DSC3: variants seen among roughly 807,000 people sequenced by gnomAD.
DSC3 encodes the protein desmocollin 3, also known as desmocollin-3.
Under a neutral mutation model 89.5 loss-of-function variants are expected in DSC3, and 97 were observed. The observed-to-expected ratio is 1.08, with a 90% CI of 0.92 to 1.28. DSC3 has a LOEUF of 1.28. Among genes scored for constraint, DSC3 ranks in the 50% most tolerant of loss-of-function variants. The pLI is 0.00. For missense variants in DSC3, 1,199 were observed against 1,085.3 expected, an observed-to-expected ratio of 1.10 and a Z score of -1.47; for synonymous variants, 436 against 384.1, an observed-to-expected ratio of 1.14 and a Z score of -1.58.
chr18:31,012,574 C>T (rs1417041706), intron 9 of DSC3, among the ~76,000 whole-genome samples: 1 of 152,178 alleles, frequency 6.6e-6, no homozygotes, highest in Non-Finnish European at 1.5e-5. Context: ...TGTTATTTCT[C>T]TTTGATTCAG....
chr18:30,997,939 C>G (rs977559957), intron 14 of DSC3, among the ~76,000 whole-genome samples: 1 of 152,060 alleles, frequency 6.6e-6, no homozygotes, highest in African/African-American at 2.4e-5. Flanking sequence ...TTGAGAACAG[C>G]TACCACATAA....
chr18:31,013,588 G>A (rs1182815347), intron 9 of DSC3, among the ~76,000 whole-genome samples: 1 of 152,058 alleles, frequency 6.6e-6, no homozygotes, highest in East Asian at 1.9e-4. Context: ...ATAGTTAATA[G>A]ATAAGAAGAG....
rs751051253 is a variant in DSC3 at position 30,994,250 on chromosome 18, T to C, written c.2616A>G (p.Glu872=). The C allele has an allele frequency of 1.2e-5, 20 of 1,613,996 alleles. No homozygotes were observed. In the Admixed American group the frequency reaches 1.3e-4, roughly 11 times the overall value. ...TATTTAAAAAGTCAAGGCCATCTTC[T>C]TCCTGCTTTTCACTGCAGCAGCCCA... ...GSVGCCSEKQ[E]EDGLDFLNNL... The change falls in exon 16 of 16, where the codon GAA becomes GAG. Residue 872 remains glutamate, a synonymous_variant. Coordinates refer to ENST00000360428, the MANE Select transcript of DSC3 (RefSeq NM_001941.5).
chr18:31,023,332 A>G (rs1386070351), intron 6 of DSC3, among the ~76,000 whole-genome samples: 1 of 152,192 alleles, frequency 6.6e-6, no homozygotes, highest in Non-Finnish European at 1.5e-5. Flanking sequence ...ATGAGTTTCC[A>G]CAGTGAGTTA....
At position 30,989,923 on chromosome 18, in the gene DSC3, C is replaced by T. The variant is rs75499406; in HGVS notation, c.*4252G>A. On this transcript the variant is annotated 3_prime_UTR_variant, in exon 16 of 16. Coordinates refer to ENST00000360428, the MANE Select transcript of DSC3 (RefSeq NM_001941.5). Reference sequence around the variant, plus strand: ...CACATCCTGCACGTGTATCCTGGAACTTAAAATAAAATAAGTGTTATCAAT... The same window carrying T: ...CACATCCTGCACGTGTATCCTGGAATTTAAAATAAAATAAGTGTTATCAAT... The T allele has an allele frequency of 2.0e-5, 2 of 100,506 alleles. No homozygotes were observed. The highest frequency in any genetic ancestry group is 6.1e-4 in the East Asian group (1 of 1,652). 6.2% of individuals were successfully genotyped at this position (100,506 alleles called of 1,614,324 possible).
In DSC3 at chr18:30,996,647, A is replaced by T. The variant is rs139748507; in HGVS notation, c.2493+144T>A. ...TCTCTTTTAAATTAAATAATGTAAC[A>T]AAATCAAAGAGCACGGGAAAATGAA... On this transcript the variant is annotated intron_variant, in intron 15 of 15. Coordinates refer to ENST00000360428, the MANE Select transcript of DSC3 (RefSeq NM_001941.5). The T allele has an allele frequency of 8.6e-4, 734 of 854,382 alleles. 5 individuals carry two copies. In the African/African-American group the frequency reaches 0.011, roughly 13 times the overall value. 52.9% of individuals were successfully genotyped at this position (854,382 alleles called of 1,614,324 possible).
intron 5 of DSC3, among the ~76,000 whole-genome samples, chr18:31,024,857 T>C (rs1320300617): frequency 6.6e-6 from 1 of 152,150 alleles, no homozygotes; most frequent in Non-Finnish European, 1.5e-5. Context: ...TACTACATTA[T>C]CTAAATAAAG....
chr18:31,021,489 C>T (rs1357664437), intron 7 of DSC3, among the ~76,000 whole-genome samples: 1 of 152,182 alleles, frequency 6.6e-6, no homozygotes, highest in African/African-American at 2.4e-5. Flanking sequence ...TTCCCACCAT[C>T]TCTCCCTGTT....
chr18:31,021,614 G>A (rs1351000987), intron 7 of DSC3, among the ~76,000 whole-genome samples: 1 of 152,032 alleles, frequency 6.6e-6, no homozygotes, highest in East Asian at 1.9e-4. Context: ...TTCCAATAAA[G>A]CTATTTTGTC....
In DSC3 at chr18:31,042,723, C is replaced by G. The variant is rs867607770; in HGVS notation, c.-63G>C. ...GGAGGGTGCCGAGAGCGAGACCTGC[C>G]GAGGTGCAGGGCGCGGGAGGTGCTT... On this transcript the variant is annotated 5_prime_UTR_variant, in exon 1 of 16. Coordinates refer to ENST00000360428, the MANE Select transcript of DSC3 (RefSeq NM_001941.5). 4.1e-6 allele frequency: 6 copies of G among 1,470,218 alleles called. No homozygotes were observed. The highest frequency in any genetic ancestry group is 5.5e-6 in the Non-Finnish European group (6 of 1,083,328). 91.1% of individuals were successfully genotyped at this position (1,470,218 alleles called of 1,614,324 possible).
rs992305087 is a variant in DSC3 at position 31,040,571 on chromosome 18, G to A, written c.69+2021C>T. Among the ~76,000 whole-genome samples the A allele has an allele frequency of 2.6e-5, 4 of 152,098 alleles. No homozygotes were observed. In the South Asian group the frequency reaches 8.3e-4, roughly 32 times the overall value. On this transcript the variant is annotated intron_variant, in intron 1 of 15. Coordinates refer to ENST00000360428, the MANE Select transcript of DSC3 (RefSeq NM_001941.5). ...CAGAGTGTGGTGGGGCACACGGTGG[G>A]AAGGAGATACAGGAAAAATGCAGAA... is the stretch of plus-strand genomic sequence containing the variant.
chr18:31,039,577 C>T (rs1260343914), intron 1 of DSC3, among the ~76,000 whole-genome samples: 1 of 152,152 alleles, frequency 6.6e-6, no homozygotes, highest in Non-Finnish European at 1.5e-5. Flanking sequence ...GCTCTACATT[C>T]TCAGTACTTA....
rs2228474 is a variant in DSC3, at chr18:30,996,827, C to T, written c.2457G>A (p.Ser819=). 9,775 of 1,613,672 alleles carry T rather than the reference C, an allele frequency of 6.1e-3. 530 individuals carry two copies. In the African/African-American group the frequency reaches 0.11, roughly 19 times the overall value. ...TEVDNCRYTY[S]EWHSFTQPRL... Reference sequence around the variant, plus strand: ...GGGGTTGAGTAAAACTGTGCCACTCCGAGTAAGTGTATCTGCAGTTGTCCA... The same window carrying T: ...GGGGTTGAGTAAAACTGTGCCACTCTGAGTAAGTGTATCTGCAGTTGTCCA... The change falls in exon 15 of 16, where the codon TCG becomes TCA. Residue 819 remains serine (S), a synonymous_variant. Transcript: ENST00000360428.
Position 31,004,385 on chromosome 18 carries a change from A to G in DSC3, c.1889-19T>C. On this transcript the variant is annotated intron_variant, in intron 12 of 15. Coordinates refer to ENST00000360428, the MANE Select transcript of DSC3 (RefSeq NM_001941.5). ...GCTGTATCTGAAAGAAAATAAAAGAAGTTTATTTTTTAATGATCATTTATT... is the reference window on the plus strand; with the variant it reads ...GCTGTATCTGAAAGAAAATAAAAGAGGTTTATTTTTTAATGATCATTTATT... The G allele has an allele frequency of 1.0e-5, 16 of 1,595,530 alleles. No individual in the cohort carries two copies. Among genetic ancestry groups the G allele is most frequent in the Non-Finnish European group, 1.2e-5 (14 of 1,164,454 alleles).
intron 7 of DSC3, among the ~76,000 whole-genome samples, chr18:31,021,055 T>C (rs1985401561): frequency 6.9e-6 from 1 of 145,952 alleles, no homozygotes; most frequent in Non-Finnish European, 1.5e-5. Context: ...CTAAATTCAC[T>C]GTTTTTTTTT....
At position 30,996,813 on chromosome 18, in the gene DSC3, A is replaced by C. The variant is rs1984482608; in HGVS notation, c.2471T>G (p.Phe824Cys). 1.2e-6 allele frequency: 2 copies of C among 1,613,676 alleles called. No homozygotes were observed. The highest frequency in any genetic ancestry group is 2.2e-5 in the East Asian group (1 of 44,866). Residue 824 changes from phenylalanine (F) to cysteine (C), a missense_variant, in exon 15 of 16, where the codon TTT becomes TGT. By Grantham distance (205) the Phe-to-Cys change is radical. Coordinates refer to ENST00000360428, the MANE Select transcript of DSC3 (RefSeq NM_001941.5). ...CRYTYSEWHS[F>C]TQPRLGEKLH... The stretch of plus-strand genomic sequence containing the variant: ...CACTTCACCGAGACGGGGTTGAGTA[A>C]AACTGTGCCACTCCGAGTAAGTGTA...
intron 12 of DSC3, among the ~76,000 whole-genome samples, chr18:31,006,601 T>C (rs1984852280): frequency 6.6e-6 from 1 of 152,132 alleles, no homozygotes; most frequent in Non-Finnish European, 1.5e-5. Flanking sequence ...TGCCCAGCCA[T>C]TGGCATTATT....
intron 1 of DSC3, among the ~76,000 whole-genome samples, chr18:31,036,245 C>A (rs1985964289): frequency 6.6e-6 from 1 of 152,148 alleles, no homozygotes; most frequent in Non-Finnish European, 1.5e-5. Context: ...AATTTTATGA[C>A]TTTTTCCATG....
chr18:30,995,711 C>T (rs1789069), intron 15 of DSC3, among the ~76,000 whole-genome samples: 40,661 of 151,898 alleles, frequency 0.27, 5,959 homozygotes, highest in East Asian at 0.61. Flanking sequence ...GTGGCTCATG[C>T]GTATAATCCC....
Sources: allele counts gnomAD v4.1 joint callset (sites outside exome capture counted in the v4.1 genomes callset), GRCh38; gene constraint gnomAD v4.1.1; transcripts MANE v1.5; gene names NCBI Gene and HGNC (gene_info 2026-07-23, HGNC 2026-07-21).